Variants in TIGAR observed in about 807,000 individuals in gnomAD.
TIGAR encodes TP53 induced glycolysis regulatory phosphatase, also known as fructose-2,6-bisphosphatase TIGAR.
TIGAR carries 7 observed loss-of-function variants against 17.9 expected under a neutral mutation model. That is an observed-to-expected ratio of 0.39 (90% CI 0.22 to 0.73). The LOEUF (loss-of-function observed/expected upper bound fraction) is 0.73. TIGAR is among the 30% of genes least tolerant of loss of function. TIGAR has a pLI of 0.42. For synonymous variants in TIGAR, 94 were observed against 108.6 expected, an observed-to-expected ratio of 0.87 and a Z score of 0.84; for missense variants, 258 against 327.4, an observed-to-expected ratio of 0.79 and a Z score of 1.64.
intron 3 of TIGAR, among the ~76,000 whole-genome samples, chr12:4,338,915 G>T (rs1232625794): frequency 4.9e-5 from 7 of 141,478 alleles, no homozygotes; most frequent in East Asian, 2.3e-4. Flanking sequence ...GGCAGAGGTT[G>T]CAGTGAGCTG....
intron 3 of TIGAR, among the ~76,000 whole-genome samples, chr12:4,346,768 TA>T (rs533728739): frequency 0.012 from 1,815 of 150,698 alleles, 29 homozygotes; most frequent in African/African-American, 0.037. Context: ...AAATATATAT[TA>T]AAAAAAAATG....
At position 4,357,686 on chromosome 12, in the gene TIGAR, A is replaced by T. The variant is rs899364363; in HGVS notation, c.*4995A>T. On this transcript the variant is annotated 3_prime_UTR_variant, in exon 6 of 6. Transcript: ENST00000179259. ...TCAATCACTTGGTTCATTGTTCAGC[A>T]ATATGGCCTAAGGGGGTGATTTCTT... 1.3e-5 allele frequency among the ~76,000 whole-genome samples: 2 copies of T among 152,150 alleles called. No homozygotes were observed. The highest frequency in any genetic ancestry group is 4.8e-5 in the African/African-American group (2 of 41,432).
chr12:4,335,271 G>A (rs11615582), intron 2 of TIGAR, among the ~76,000 whole-genome samples: 45,654 of 151,376 alleles, frequency 0.3, 7,343 homozygotes, highest in Middle Eastern at 0.48. Flanking sequence ...TCCTGACCTC[G>A]AGTGATCCAC....
rs146630017 is a variant in TIGAR at position 4,340,239 on chromosome 12, A to G, written c.192+3079A>G. 9.4e-3 allele frequency among the ~76,000 whole-genome samples: 1,429 copies of G among 152,374 alleles called. 19 individuals carry two copies. Among genetic ancestry groups the G allele is most frequent in the African/African-American group, 0.032 (1,321 of 41,592 alleles). On this transcript the variant is annotated intron_variant, in intron 3 of 5. Coordinates refer to ENST00000179259, the MANE Select transcript of TIGAR (RefSeq NM_020375.3). ...GCAGGATGCAAAGCAAGATACAAAAATCAGTAGCATTTGAATATGCCAACA... is the reference window on the plus strand; with the variant it reads ...GCAGGATGCAAAGCAAGATACAAAAGTCAGTAGCATTTGAATATGCCAACA...
In TIGAR at chr12:4,353,997, A is replaced by G. The variant is rs1864868429; in HGVS notation, c.*1306A>G. 6.6e-6 allele frequency: 1 copy of G among 152,556 alleles called. No homozygotes were observed. Among genetic ancestry groups the G allele is most frequent in the Non-Finnish European group, 1.5e-5 (1 of 68,024 alleles). The allele number at this position is 152,556 out of a possible 1,614,324, so 9.5% of individuals were successfully genotyped here. On this transcript the variant is annotated 3_prime_UTR_variant, in exon 6 of 6. Transcript: ENST00000179259. ...TGATTAACTTAATTTTATACACAAGATTGGTCTTTCAGAAATCTTTATCTA... is the reference window on the plus strand; with the variant it reads ...TGATTAACTTAATTTTATACACAAGGTTGGTCTTTCAGAAATCTTTATCTA...
chr12:4,356,014 T>C lies in TIGAR; in HGVS notation c.*3323T>C, dbSNP rs1864896714. Among the ~76,000 whole-genome samples, 1 of 152,214 alleles carries C rather than the reference T, an allele frequency of 6.6e-6. No individual in the cohort carries two copies. The highest frequency in any genetic ancestry group is 1.5e-5 in the Non-Finnish European group (1 of 68,034). The stretch of plus-strand genomic sequence containing the variant: ...TGGCCTGGTGGCCTGTGCTGAGGCC[T>C]TGGGCTTTTACTCAAGTGAGATGAG... On this transcript the variant is annotated 3_prime_UTR_variant, in exon 6 of 6. Transcript: ENST00000179259.
chr12:4,331,443 C>A, intron 2 of TIGAR, 126 bp downstream of exon 2: 1 of 859,976 alleles, frequency 1.2e-6, no homozygotes, highest in South Asian at 1.5e-5. Flanking sequence ...ATTACAGAAT[C>A]AAAGCATCAT....
intron 1 of TIGAR, among the ~76,000 whole-genome samples, chr12:4,325,140 C>T (rs1163188254): frequency 6.6e-6 from 1 of 151,886 alleles, no homozygotes; most frequent in Non-Finnish European, 1.5e-5. Context: ...TGGGGTTTCT[C>T]CATTTTGGTC....
intron 3 of TIGAR, among the ~76,000 whole-genome samples, chr12:4,337,733 T>C (rs1265475588): frequency 6.6e-6 from 1 of 152,234 alleles, no homozygotes; most frequent in African/African-American, 2.4e-5. Flanking sequence ...TAATCCACTG[T>C]GACATCAGGT....
chr12:4,332,234 A>ATTTT (rs1555092389), intron 2 of TIGAR, among the ~76,000 whole-genome samples: 7 of 85,328 alleles, frequency 8.2e-5, no homozygotes, highest in Admixed American at 1.3e-4. Flanking sequence ...AGGCTCATGT[A>ATTTT]TTTCTTTTTT....
chr12:4,352,434 A>G lies in TIGAR; in HGVS notation c.556A>G (p.Ile186Val). 1 of 1,614,196 alleles carries G rather than the reference A, an allele frequency of 6.2e-7. No individual in the cohort carries two copies. The highest frequency in any genetic ancestry group is 1.1e-5 in the South Asian group (1 of 91,090). ...HSSKVNSDSG[I>V]PGLAASVLVV... ...CTCTAAAGTTAATTCAGACAGCGGTATTCCAGGATTAGCAGCCAGTGTCTT... is the reference window on the plus strand; with the variant it reads ...CTCTAAAGTTAATTCAGACAGCGGTGTTCCAGGATTAGCAGCCAGTGTCTT... Residue 186 changes from isoleucine (I) to valine (V), a missense_variant, in exon 6 of 6, where the codon ATT (isoleucine) becomes GTT (valine). By Grantham distance (29) the Ile-to-Val change is conservative (BLOSUM62 3). Transcript: ENST00000179259.
rs1864882895 is a variant in TIGAR at position 4,354,921 on chromosome 12, G to A, written c.*2230G>A. Among the ~76,000 whole-genome samples, 1 of 151,270 alleles carries A rather than the reference G, an allele frequency of 6.6e-6. No individual in the cohort carries two copies. Among genetic ancestry groups the A allele is most frequent in the African/African-American group, 2.4e-5 (1 of 41,244 alleles). On this transcript the variant is annotated 3_prime_UTR_variant, in exon 6 of 6. Transcript: ENST00000179259. ...CTTTTTTTTTTTTTTAGTAGAGACGGGGTTTCGCCATGTTGGCCAGGCTGG... is the reference window on the plus strand; with the variant it reads ...CTTTTTTTTTTTTTTAGTAGAGACGAGGTTTCGCCATGTTGGCCAGGCTGG...
At chr12:4,328,495 G>A (rs916470714) in intron 1 of TIGAR, among the ~76,000 whole-genome samples, 1 of 150,432 alleles carries the variant, frequency 6.6e-6, no homozygotes, top group African/African-American at 2.4e-5. Flanking sequence ...TGTGGCCTAG[G>A]TAATCTTTTA....
intron 1 of TIGAR, among the ~76,000 whole-genome samples, chr12:4,328,867 G>T (rs1248638060): frequency 2.6e-5 from 4 of 152,156 alleles, no homozygotes; most frequent in Non-Finnish European, 5.9e-5. Flanking sequence ...GAGCCACCGT[G>T]CCTGGCCAGT....
chr12:4,347,825 G>A (rs1434973519), intron 3 of TIGAR, among the ~76,000 whole-genome samples: 2 of 152,086 alleles, frequency 1.3e-5, no homozygotes, highest in Non-Finnish European at 2.9e-5. Flanking sequence ...AATGTAGCAC[G>A]GCATGATAGA....
chr12:4,333,156 G>A (rs886646638), intron 2 of TIGAR, among the ~76,000 whole-genome samples: 1 of 152,140 alleles, frequency 6.6e-6, no homozygotes, highest in African/African-American at 2.4e-5. Context: ...TACTTGAGCT[G>A]TTTTGGGGAT....
chr12:4,346,265 C>G (rs1206168356), intron 3 of TIGAR, among the ~76,000 whole-genome samples: 2 of 152,060 alleles, frequency 1.3e-5, no homozygotes, highest in Non-Finnish European at 2.9e-5. Flanking sequence ...GGTATATACC[C>G]AAAGGATTAT....
At chr12:4,337,553 A>G (rs1009751669) in intron 3 of TIGAR, among the ~76,000 whole-genome samples, 26 of 152,384 alleles carry the variant, frequency 1.7e-4, no homozygotes, top group African/African-American at 5.5e-4. Flanking sequence ...TCTGTAGGGA[A>G]TTAAATCCCA....
In TIGAR at chr12:4,341,273, GAGA is replaced by G. The variant is rs386759755; in HGVS notation, c.192+4114_192+4116del. Among the ~76,000 whole-genome samples the G allele has an allele frequency of 9.3e-3, 1,415 of 151,720 alleles. 9 individuals carry two copies. The highest frequency in any genetic ancestry group is 0.017 in the East Asian group (88 of 5,164). ...CAAAAGAAGACATACAAATGACAAA[GAGA>G]GGGGGGGCGGTTCCAAGATGGCCGA... On this transcript the variant is annotated intron_variant, in intron 3 of 5. Coordinates refer to ENST00000179259, the MANE Select transcript of TIGAR (RefSeq NM_020375.3).
Sources: gnomAD v4.1 joint callset for allele counts (sites outside exome capture counted in the v4.1 genomes callset) on GRCh38, gnomAD v4.1.1 for gene constraint, MANE v1.5 for transcripts, NCBI Gene and HGNC (gene_info 2026-07-23, HGNC 2026-07-21) for gene names.